Variants in SHROOM3 observed in about 807,000 individuals in gnomAD.
SHROOM3 encodes shroom family member 3.
A neutral mutation model predicts 138.6 loss-of-function variants in SHROOM3; 47 were observed. That is an observed-to-expected ratio of 0.34 (90% CI 0.27 to 0.43). The LOEUF (loss-of-function observed/expected upper bound fraction) is 0.43, where lower values mean the gene tolerates loss of function less well. Ranked by LOEUF, SHROOM3 falls within the 20% of genes least tolerant of loss-of-function variation. The probability of loss-of-function intolerance (pLI) is 1.00; values close to 1 mark genes in which losing one functional copy is unlikely to be tolerated. For missense variants in SHROOM3, 2,491 were observed against 2,596.5 expected, an observed-to-expected ratio of 0.96 and a Z score of 0.88; for synonymous variants, 1,062 against 1,063.3, an observed-to-expected ratio of 1.00 and a Z score of 0.02.
chr4:76,456,389 T>C (rs1731027659), intron 1 of SHROOM3, among the ~76,000 whole-genome samples: 1 of 152,236 alleles, frequency 6.6e-6, no homozygotes, highest in East Asian at 1.9e-4. Context: ...GGATTCAACA[T>C]AGTACTTGTA....
intron 2 of SHROOM3, among the ~76,000 whole-genome samples, chr4:76,704,628 T>C (rs1476550310): frequency 1.3e-5 from 2 of 152,140 alleles, no homozygotes; most frequent in African/African-American, 4.8e-5. Flanking sequence ...GGGGAAAGGT[T>C]GAAGGAGGGG....
At chr4:76,576,530 A>G (rs866407243) in intron 2 of SHROOM3, among the ~76,000 whole-genome samples, 8 of 152,268 alleles carry the variant, frequency 5.3e-5, no homozygotes, top group African/African-American at 1.9e-4. Context: ...GTGGGGAGGT[A>G]GGGATGGTTA....
At chr4:76,576,844 T>G (rs1380797513) in intron 2 of SHROOM3, among the ~76,000 whole-genome samples, 1 of 151,894 alleles carries the variant, frequency 6.6e-6, no homozygotes, top group Non-Finnish European at 1.5e-5. Flanking sequence ...GTAAATTTTG[T>G]TATAAATATT....
At chr4:76,669,563 G>A (rs550509139) in intron 2 of SHROOM3, among the ~76,000 whole-genome samples, 11 of 150,764 alleles carry the variant, frequency 7.3e-5, no homozygotes, top group African/African-American at 2.4e-4. Context: ...GCAGTGAGCC[G>A]AGATCGGGCC....
intron 2 of SHROOM3, among the ~76,000 whole-genome samples, chr4:76,655,921 CA>C (rs1254228549): frequency 6.6e-6 from 1 of 152,180 alleles, no homozygotes; most frequent in African/African-American, 2.4e-5. Flanking sequence ...TAGCTGCTTA[CA>C]TCTGTTATCT....
At chr4:76,460,547 A>G (rs563702826) in intron 1 of SHROOM3, among the ~76,000 whole-genome samples, 3 of 152,188 alleles carry the variant, frequency 2.0e-5, no homozygotes, top group Non-Finnish European at 2.9e-5. Context: ...ACAGTTCTGG[A>G]GGCTAGAAGT....
intron 2 of SHROOM3, among the ~76,000 whole-genome samples, chr4:76,704,927 A>G (rs959336461): frequency 3.3e-5 from 5 of 152,204 alleles, no homozygotes; most frequent in African/African-American, 1.2e-4. Context: ...CCAAGGAGAC[A>G]CGATTCCTCC....
intron 1 of SHROOM3, among the ~76,000 whole-genome samples, chr4:76,480,476 A>G (rs1731584448): frequency 6.6e-6 from 1 of 152,226 alleles, no homozygotes; most frequent in Non-Finnish European, 1.5e-5. Flanking sequence ...AGGAGCACCC[A>G]GATTCATAAA....
intron 3 of SHROOM3, among the ~76,000 whole-genome samples, chr4:76,711,347 C>CA (rs1720222645): frequency 6.6e-6 from 1 of 152,212 alleles, no homozygotes; most frequent in Admixed American, 6.5e-5. Flanking sequence ...GCTGTGCCTA[C>CA]TATGTCATGA....
intron 2 of SHROOM3, among the ~76,000 whole-genome samples, chr4:76,690,028 C>T (rs566860271): frequency 6.6e-6 from 1 of 152,292 alleles, no homozygotes; most frequent in East Asian, 1.9e-4. Flanking sequence ...TTGCTTCCCA[C>T]CAGGGCCCCT....
intron 1 of SHROOM3, among the ~76,000 whole-genome samples, chr4:76,503,239 A>G (rs1732138792): frequency 6.6e-6 from 1 of 151,948 alleles, no homozygotes; most frequent in African/African-American, 2.4e-5. Context: ...CTATAAATTC[A>G]TAGAAAATTA....
intron 2 of SHROOM3, among the ~76,000 whole-genome samples, chr4:76,625,951 C>T (rs574139298): frequency 6.6e-6 from 1 of 152,294 alleles, no homozygotes; most frequent in Non-Finnish European, 1.5e-5. Context: ...GTTGAAGGCT[C>T]AATTGAGTCT....
At chr4:76,655,902 C>T (rs1168787440) in intron 2 of SHROOM3, among the ~76,000 whole-genome samples, 2 of 152,110 alleles carry the variant, frequency 1.3e-5, no homozygotes, top group Non-Finnish European at 2.9e-5. Flanking sequence ...TTCCCAGTAC[C>T]CAGTTACATA....
chr4:76,581,271 T>TC (rs1400574086), intron 2 of SHROOM3, among the ~76,000 whole-genome samples: 1 of 152,180 alleles, frequency 6.6e-6, no homozygotes, highest in Admixed American at 6.5e-5. Context: ...TACCTTGGTT[T>TC]CCCCAAAGAA....
intron 2 of SHROOM3, among the ~76,000 whole-genome samples, chr4:76,644,078 A>G (rs1479945804): frequency 6.6e-6 from 1 of 152,082 alleles, no homozygotes; most frequent in Non-Finnish European, 1.5e-5. Flanking sequence ...TCCTGACCTC[A>G]GGTGATCTGC....
At chr4:76,474,523 T>C (rs1731441965) in intron 1 of SHROOM3, among the ~76,000 whole-genome samples, 1 of 152,122 alleles carries the variant, frequency 6.6e-6, no homozygotes, top group Non-Finnish European at 1.5e-5. Context: ...AAATTATAGA[T>C]TGTACAAAGA....
chr4:76,648,991 T>A (rs1279462295), intron 2 of SHROOM3, among the ~76,000 whole-genome samples: 4 of 151,958 alleles, frequency 2.6e-5, no homozygotes, highest in Non-Finnish European at 5.9e-5. Context: ...CAAAATTTTT[T>A]AAGACAAATG....
intron 1 of SHROOM3, among the ~76,000 whole-genome samples, chr4:76,533,573 G>A (rs1053497640): frequency 6.6e-6 from 1 of 152,168 alleles, no homozygotes; most frequent in Non-Finnish European, 1.5e-5. Context: ...GGGCTTATTA[G>A]ACATGACCTT....
rs1478304482 is a variant in SHROOM3, at chr4:76,756,528, C to A, written c.4789C>A (p.Leu1597Met). The change falls in exon 8 of 11, where the codon CTG becomes ATG. Residue 1597 changes from leucine to methionine, a missense_variant. By Grantham distance (15) the Leu-to-Met change is conservative (BLOSUM62 2). Coordinates refer to ENST00000296043, the MANE Select transcript of SHROOM3 (RefSeq NM_020859.4). ...AGCCCATGTGGTAGGTAGTCAGACA[C>A]TGGCTTCCAGACTCCAAACTTCTAT... Reference protein sequence around the residue: ...GAAHVVGSQTLASRLQTSIKG... With the variant: ...GAAHVVGSQTMASRLQTSIKG... The A allele has an allele frequency of 1.2e-6, 2 of 1,613,762 alleles. No individual in the cohort carries two copies. The highest frequency in any genetic ancestry group is 2.2e-5 in the South Asian group (2 of 91,058).
Sources: gnomAD v4.1 joint callset for allele counts (sites outside exome capture counted in the v4.1 genomes callset) on GRCh38, gnomAD v4.1.1 for gene constraint, MANE v1.5 for transcripts, NCBI Gene and HGNC (gene_info 2026-07-23, HGNC 2026-07-21) for gene names.